The following PCDHGA5 variants were observed in gnomAD, a reference collection of about 807,000 sequenced individuals.
The protein encoded by PCDHGA5 is protocadherin gamma-A5.
In PCDHGA5, 36 loss-of-function variants were observed where a neutral mutation model predicts 56.7. The observed-to-expected ratio is 0.64, with a 90% CI of 0.49 to 0.84. PCDHGA5 has a LOEUF of 0.84. Among genes scored for constraint, PCDHGA5 ranks in the 40% least tolerant of loss-of-function variants. The pLI, the probability that PCDHGA5 is intolerant of heterozygous loss-of-function variation, is 0.00. For synonymous variants in PCDHGA5, 563 were observed against 520.2 expected, an observed-to-expected ratio of 1.08 and a Z score of -1.12; for missense variants, 1,305 against 1,201.5, an observed-to-expected ratio of 1.09 and a Z score of -1.27.
intron 1 of PCDHGA5, among the ~76,000 whole-genome samples, chr5:141,368,793 T>G (rs1012926253): frequency 6.6e-6 from 1 of 152,202 alleles, no homozygotes; most frequent in Non-Finnish European, 1.5e-5. Context: ...GAATAATTTT[T>G]CATACTAATT....
In PCDHGA5 at chr5:141,432,021, C is replaced by G. The variant is rs746940912; in HGVS notation, c.2422-62786C>G. 1.9e-5 allele frequency: 30 copies of G among 1,614,076 alleles called. No individual in the cohort carries two copies. The highest frequency in any genetic ancestry group is 2.7e-5 in the African/African-American group (2 of 74,922). Reference sequence around the variant, plus strand: ...GAACAGGTTCCTAGCTACAACATCACAGTGACCGCCACTGACCGGGGAACC... The same window carrying G: ...GAACAGGTTCCTAGCTACAACATCAGAGTGACCGCCACTGACCGGGGAACC... On this transcript the variant is annotated intron_variant, in intron 1 of 3. Transcript: ENST00000518069. The surrounding 1 kb of genome is among the most constrained non-coding windows in gnomAD (Gnocchi z 6.0).
rs548299275 is a variant in PCDHGA5, at chr5:141,384,200, G to A, written c.2421+17449G>A. On this transcript the variant is annotated intron_variant, in intron 1 of 3. Coordinates refer to ENST00000518069, the MANE Select transcript of PCDHGA5 (RefSeq NM_018918.3). ...GATGGTGGAACTCCTCCCTTGTCCAGGGAAACTCACATATTCATGCAGGTG... is the reference window on the plus strand; with the variant it reads ...GATGGTGGAACTCCTCCCTTGTCCAAGGAAACTCACATATTCATGCAGGTG... 131 of 1,613,832 alleles carry A rather than the reference G, an allele frequency of 8.1e-5. 2 individuals are homozygous for A. The South Asian group carries it at 1.4e-3, about 17-fold the overall frequency.
At position 141,376,211 on chromosome 5, in the gene PCDHGA5, G is replaced by T; in HGVS notation, c.2421+9460G>T. The T allele has an allele frequency of 6.2e-7, 1 of 1,614,180 alleles. No homozygotes were observed. Among genetic ancestry groups the T allele is most frequent in the South Asian group, 1.1e-5 (1 of 91,070 alleles). ...CTGCGTCTTCCTGGCCTTCGTCATC[G>T]TGCTGCTGGCGCTCAGACTGCAGCG... On this transcript the variant is annotated intron_variant, in intron 1 of 3. Transcript: ENST00000518069.
intron 2 of PCDHGA5, among the ~76,000 whole-genome samples, chr5:141,502,107 C>T (rs1292131951): frequency 6.6e-6 from 1 of 152,192 alleles, no homozygotes; most frequent in East Asian, 1.9e-4. Context: ...TGACCCTGCA[C>T]CCTCAGCCAG....
intron 1 of PCDHGA5, chr5:141,383,482 G>T (rs908975143): frequency 6.2e-7 from 1 of 1,613,500 alleles, no homozygotes; most frequent in Non-Finnish European, 8.5e-7. Context: ...CCCGGAACTG[G>T]TGCTGGAGCG....
rs184860941 is a variant in PCDHGA5, at chr5:141,386,661, G to A, written c.2421+19910G>A. On this transcript the variant is annotated intron_variant, in intron 1 of 3. Coordinates refer to ENST00000518069, the MANE Select transcript of PCDHGA5 (RefSeq NM_018918.3). ...CTGGATACATTTTACAAGTTCTGCA[G>A]TGTTCACATTTCAGATGTACAATCA... Among the ~76,000 whole-genome samples the A allele has an allele frequency of 2.0e-4, 31 of 152,110 alleles. No individual in the cohort carries two copies. In the East Asian group the frequency reaches 3.5e-3, roughly 17 times the overall value.
chr5:141,423,693 G>T lies in PCDHGA5; in HGVS notation c.2421+56942G>T, dbSNP rs114008539. On this transcript the variant is annotated intron_variant, in intron 1 of 3. Transcript: ENST00000518069. ...TTATTTCTCTGCCTCCTAATTGTTG[G>T]TGTCTTGGCACAAGTCTTTTAAGGA... 910 of 1,396,244 alleles carry T rather than the reference G, an allele frequency of 6.5e-4. 7 individuals carry two copies. The African/African-American group carries it at 0.012, about 18-fold the overall frequency. 86.5% of individuals were successfully genotyped at this position (1,396,244 alleles called of 1,614,324 possible).
intron 1 of PCDHGA5, chr5:141,383,459 A>G: frequency 6.2e-7 from 1 of 1,613,900 alleles, no homozygotes; most frequent in Non-Finnish European, 8.5e-7. Context: ...AGTGGAGACG[A>G]TGAAACTAAG....
At position 141,375,371 on chromosome 5, in the gene PCDHGA5, C is replaced by A. The variant is rs776202756; in HGVS notation, c.2421+8620C>A. On this transcript the variant is annotated intron_variant, in intron 1 of 3. Coordinates refer to ENST00000518069, the MANE Select transcript of PCDHGA5 (RefSeq NM_018918.3). ...TGTGACAGCCACGGACAAAGGAACA[C>A]CACCTCTGTCTACAGAAACAATCAT... is the stretch of plus-strand genomic sequence containing the variant. 6.2e-7 allele frequency: 1 copy of A among 1,613,880 alleles called. No individual in the cohort carries two copies. The highest frequency in any genetic ancestry group is 1.3e-5 in the African/African-American group (1 of 75,046).
chr5:141,409,546 C>T lies in PCDHGA5; in HGVS notation c.2421+42795C>T, dbSNP rs775680397. 19 of 1,613,880 alleles carry T rather than the reference C, an allele frequency of 1.2e-5. No individual in the cohort carries two copies. The South Asian group carries it at 2.0e-4, about 17-fold the overall frequency. ...TGTATGTCGCTGACATCAACGACAA[C>T]GCCCCAGTTTTCGACCAGACGTCCT... On this transcript the variant is annotated intron_variant, in intron 1 of 3. Coordinates refer to ENST00000518069, the MANE Select transcript of PCDHGA5 (RefSeq NM_018918.3).
At position 141,490,688 on chromosome 5, in the gene PCDHGA5, C is replaced by A; in HGVS notation, c.2422-4119C>A. ...ACTGTGGCTGCCTCAGATCCAGACA[C>A]TGGGGATAATGCCCGCCTCACCTAC... On this transcript the variant is annotated intron_variant, in intron 1 of 3. Coordinates refer to ENST00000518069, the MANE Select transcript of PCDHGA5 (RefSeq NM_018918.3). The surrounding 1 kb of genome is among the most constrained non-coding windows in gnomAD (Gnocchi z 5.4). The A allele has an allele frequency of 6.2e-7, 1 of 1,614,218 alleles. No individual in the cohort carries two copies. The highest frequency in any genetic ancestry group is 8.5e-7 in the Non-Finnish European group (1 of 1,180,032).
chr5:141,395,525 G>A, intron 1 of PCDHGA5: 2 of 384,022 alleles, frequency 5.2e-6, no homozygotes, highest in Non-Finnish European at 9.3e-6. Flanking sequence ...CGTCCATACT[G>A]GTAATTTTGC....
Position 141,476,072 on chromosome 5 carries a change from C to A in PCDHGA5, c.2422-18735C>A. 1.3e-6 allele frequency: 2 copies of A among 1,523,462 alleles called. No individual in the cohort carries two copies. The highest frequency in any genetic ancestry group is 1.3e-5 in the South Asian group (1 of 77,998). 94.4% of individuals were successfully genotyped at this position (1,523,462 alleles called of 1,614,324 possible). The stretch of plus-strand genomic sequence containing the variant: ...CGCTGAAAGTTTCTCAGCGAAATCT[C>A]AGGGACGATCTGGACCCCGCTGAGA... On this transcript the variant is annotated intron_variant, in intron 1 of 3. Coordinates refer to ENST00000518069, the MANE Select transcript of PCDHGA5 (RefSeq NM_018918.3). The surrounding 1 kb of genome is among the most constrained non-coding windows in gnomAD (Gnocchi z 7.6).
intron 1 of PCDHGA5, chr5:141,372,062 C>T: frequency 1.2e-6 from 2 of 1,613,470 alleles, no homozygotes; most frequent in Non-Finnish European, 1.7e-6. Context: ...ACGACCGCAA[C>T]GACAATGCAC....
intron 1 of PCDHGA5, among the ~76,000 whole-genome samples, chr5:141,401,424 T>G (rs1408860840): frequency 6.6e-6 from 1 of 152,170 alleles, no homozygotes; most frequent in Non-Finnish European, 1.5e-5. Flanking sequence ...AGAGACTGAT[T>G]CACTGAACTT....
At chr5:141,404,323 C>G (rs777252767) in intron 1 of PCDHGA5, 24 of 1,613,756 alleles carry the variant, frequency 1.5e-5, no homozygotes, top group Non-Finnish European at 2.0e-5. Flanking sequence ...AAGCCTCCTA[C>G]TCAGTCTACC....
intron 1 of PCDHGA5, chr5:141,371,926 G>A (rs766218641): frequency 2.5e-6 from 4 of 1,613,370 alleles, no homozygotes; most frequent in East Asian, 4.5e-5. Context: ...AGCGCGCGGA[G>A]CGGGGTGGTG....
At chr5:141,504,528 C>T (rs750099460) in intron 2 of PCDHGA5, among the ~76,000 whole-genome samples, 2 of 151,854 alleles carry the variant, frequency 1.3e-5, no homozygotes, top group Non-Finnish European at 2.9e-5. Flanking sequence ...ATATTTTATT[C>T]GTGTCATCAT....
intron 1 of PCDHGA5, chr5:141,383,516 G>A (rs757438983): frequency 3.0e-5 from 49 of 1,612,406 alleles, no homozygotes; most frequent in Non-Finnish European, 3.6e-5. Flanking sequence ...GAGGAAGAGC[G>A]GGTTCACCAC....
Sources: gnomAD v4.1 joint callset for allele counts (sites outside exome capture counted in the v4.1 genomes callset) on GRCh38, gnomAD v4.1.1 for gene constraint, Gnocchi (gnomAD v3.1) non-coding constraint, MANE v1.5 for transcripts, NCBI Gene and HGNC (gene_info 2026-07-23, HGNC 2026-07-21) for gene names.